PGBD5: variants seen among roughly 807,000 people sequenced by gnomAD.
PGBD5 encodes the protein piggyBac transposable element-derived protein 5.
In PGBD5, 14 loss-of-function variants were observed where a neutral mutation model predicts 47.9. The ratio of observed to expected loss-of-function variants is 0.29; its 90% CI spans 0.19 to 0.46. The LOEUF (loss-of-function observed/expected upper bound fraction) is 0.46. Ranked by LOEUF, PGBD5 falls within the 20% of genes least tolerant of loss-of-function variation. PGBD5 has a pLI of 1.00. For missense variants in PGBD5, 635 were observed against 716.0 expected, an observed-to-expected ratio of 0.89 and a Z score of 1.29; for synonymous variants, 316 against 306.3, an observed-to-expected ratio of 1.03 and a Z score of -0.33.
At chr1:230,368,190 T>C (rs768665157) in intron 1 of PGBD5, 10 of 1,346,858 alleles carry the variant, frequency 7.4e-6, no homozygotes, top group African/African-American at 3.0e-5. Flanking sequence ...CTTGGGGAGA[T>C]GGATAAAAGC....
At chr1:230,362,179 C>G (rs1329468736) in intron 1 of PGBD5, 1 of 1,269,790 alleles carries the variant, frequency 7.9e-7, no homozygotes, top group Admixed American at 2.4e-5. Flanking sequence ...CAGGCTCACT[C>G]TGCTGCACGA....
chr1:230,422,863 C>T lies in PGBD5; in HGVS notation c.331+2735G>A, dbSNP rs191497886. On this transcript the variant is annotated intron_variant, in intron 1 of 6. Coordinates refer to ENST00000391860, the MANE Select transcript of PGBD5 (RefSeq NM_001258311.2). ...TAGCACTGCTTCCTCCCTCTCCCAG[C>T]TGGGCACCAAGTATCTCCCTACTGT... is the stretch of plus-strand genomic sequence containing the variant. 3.4e-3 allele frequency among the ~76,000 whole-genome samples: 524 copies of T among 152,058 alleles called. 5 individuals carry two copies. Among genetic ancestry groups the T allele is most frequent in the African/African-American group, 0.012 (500 of 41,480 alleles).
intron 1 of PGBD5, among the ~76,000 whole-genome samples, chr1:230,386,335 A>C (rs1656637610): frequency 6.6e-6 from 1 of 151,616 alleles, no homozygotes; most frequent in Admixed American, 6.6e-5. Context: ...AAAAAAAAGC[A>C]GTATAATTTA....
rs2102806392 is a variant in PGBD5 at position 230,318,521 on chromosome 1, T to A, written c.*4904A>T. The stretch of plus-strand genomic sequence containing the variant: ...GGTGGGGAGGGGGCACTGGGGACAC[T>A]TTCCCTGGCCACTACCTTGTGAACT... On this transcript the variant is annotated 3_prime_UTR_variant, in exon 7 of 7. Coordinates refer to ENST00000391860, the MANE Select transcript of PGBD5 (RefSeq NM_001258311.2). The A allele has an allele frequency of 6.6e-6, 1 of 152,496 alleles. No individual in the cohort carries two copies. Among genetic ancestry groups the A allele is most frequent in the Non-Finnish European group, 1.5e-5 (1 of 68,174 alleles). 9.4% of individuals were successfully genotyped at this position (152,496 alleles called of 1,614,324 possible). A position where few individuals can be genotyped will look rare whatever the true frequency, so the allele number is the denominator to read the frequency against.
chr1:230,346,832 C>T (rs1558195494), intron 3 of PGBD5, among the ~76,000 whole-genome samples: 2 of 152,090 alleles, frequency 1.3e-5, no homozygotes, highest in African/African-American at 4.8e-5. Flanking sequence ...ATATTTTTAA[C>T]GTGTCCATCT....
At chr1:230,329,973 T>G (rs1009293914) in intron 5 of PGBD5, among the ~76,000 whole-genome samples, 1 of 152,154 alleles carries the variant, frequency 6.6e-6, no homozygotes. Flanking sequence ...AATGAAAACT[T>G]TTTTTTATGT....
At position 230,356,897 on chromosome 1, in the gene PGBD5, G is replaced by C; in HGVS notation, c.756C>G (p.Thr252=). 2.5e-6 allele frequency: 4 copies of C among 1,612,582 alleles called. No individual in the cohort carries two copies. Among genetic ancestry groups the C allele is most frequent in the Non-Finnish European group, 2.5e-6 (3 of 1,178,800 alleles). Residue 252 remains threonine, a synonymous_variant, in exon 2 of 7, where the codon ACC becomes ACG. Transcript: ENST00000391860. The part of the protein sequence containing the change: ...SFDSAFRPSQ[T]QVLHEPLIDE... ...TTACGTCCTGCGTGGGCCTCACCTG[G>C]GTTTGGGAAGGCCTGAAGGCAGAGT...
intron 5 of PGBD5, among the ~76,000 whole-genome samples, chr1:230,332,465 G>A (rs881838): frequency 0.02 from 3,072 of 152,322 alleles, 51 homozygotes; most frequent in East Asian, 0.064. Flanking sequence ...TAAGGAAGAC[G>A]TTGAAAGATA....
rs557762945 is a variant in PGBD5 at position 230,338,648 on chromosome 1, A to G, written c.895-1360T>C. ...ACCCCGTCTCTATTAAAAATGCAAA[A>G]AAGTAGCCAGGTGTGGTGGCAGATG... On this transcript the variant is annotated intron_variant, in intron 3 of 6. Coordinates refer to ENST00000391860, the MANE Select transcript of PGBD5 (RefSeq NM_001258311.2). 9.2e-5 allele frequency among the ~76,000 whole-genome samples: 14 copies of G among 152,152 alleles called. No individual in the cohort carries two copies. In the East Asian group the frequency reaches 1.9e-3, roughly 21 times the overall value.
chr1:230,362,506 A>G, intron 1 of PGBD5: 1 of 1,173,260 alleles, frequency 8.5e-7, no homozygotes, highest in Non-Finnish European at 1.1e-6. Flanking sequence ...AGCTTCATGA[A>G]GCATCACCTT....
At chr1:230,336,848 G>A (rs888900434) in intron 4 of PGBD5, among the ~76,000 whole-genome samples, 8 of 143,354 alleles carry the variant, frequency 5.6e-5, no homozygotes, top group African/African-American at 7.6e-5. Context: ...CAAATGCCCC[G>A]AAGGCCAGGC....
chr1:230,357,635 A>ACCAGACCGGTC lies in PGBD5; in HGVS notation c.332-315_332-314insGACCGGTCTGG, dbSNP rs1173639739. ...AGTGCAAGCTGCAGCCTGCATCTCC[A>ACCAGACCGGTC]CACCAGACCGGAGGACAGCCCTCGG... is the stretch of plus-strand genomic sequence containing the variant. On this transcript the variant is annotated intron_variant, in intron 1 of 6. Transcript: ENST00000391860. This position sits in a 1 kb window ranked among gnomAD's most constrained non-coding sequence, Gnocchi z 5.7. Among the ~76,000 whole-genome samples the ACCAGACCGGTC allele has an allele frequency of 1.3e-5, 2 of 152,138 alleles. No individual in the cohort carries two copies. The highest frequency in any genetic ancestry group is 2.9e-5 in the Non-Finnish European group (2 of 68,024).
intron 1 of PGBD5, among the ~76,000 whole-genome samples, chr1:230,385,886 C>A (rs1178856636): frequency 6.6e-6 from 1 of 152,186 alleles, no homozygotes; most frequent in Non-Finnish European, 1.5e-5. Flanking sequence ...CGGGAGCTTG[C>A]TGGACCTGCA....
rs1666937025 is a variant in PGBD5, at chr1:230,316,014, ATAT to A, written c.*7408_*7410del. On this transcript the variant is annotated 3_prime_UTR_variant, in exon 7 of 7. Transcript: ENST00000391860. ...CATACATAAGTATATGTGTACACAT[ATAT>A]GTATGTGTATACATACATAAGTATA... is the stretch of plus-strand genomic sequence containing the variant. 3 of 113,326 alleles carry A rather than the reference ATAT, an allele frequency of 2.6e-5. No individual in the cohort carries two copies. Among genetic ancestry groups the A allele is most frequent in the Non-Finnish European group, 5.3e-5 (3 of 56,224 alleles). The allele number at this position is 113,326 out of a possible 1,614,324, so 7.0% of individuals were successfully genotyped here. A position where few individuals can be genotyped will look rare whatever the true frequency, so the allele number is the denominator to read the frequency against.
chr1:230,325,026 T>C (rs35977389), intron 6 of PGBD5, among the ~76,000 whole-genome samples: 72,178 of 151,962 alleles, frequency 0.47, 18,338 homozygotes, highest in Non-Finnish European at 0.56. Context: ...TGAGGGACAG[T>C]TCAGTTCAGT....
In PGBD5 at chr1:230,377,129, G is replaced by A. The variant is rs557291280; in HGVS notation, c.332-19808C>T. Among the ~76,000 whole-genome samples the A allele has an allele frequency of 4.6e-5, 7 of 152,316 alleles. No individual in the cohort carries two copies. In the South Asian group the frequency reaches 1.5e-3, roughly 32 times the overall value. ...CCCTTCCTAACTCCAAGTGCATACA[G>A]CCCCTAGATGAATGAGCTCCTAAAT... On this transcript the variant is annotated intron_variant, in intron 1 of 6. Transcript: ENST00000391860.
rs1380899552 is a variant in PGBD5, at chr1:230,319,886, T to A, written c.*3539A>T. 2.2e-5 allele frequency: 3 copies of A among 133,764 alleles called. No individual in the cohort carries two copies. The East Asian group carries it at 6.9e-4, about 31-fold the overall frequency. 8.3% of individuals were successfully genotyped at this position (133,764 alleles called of 1,614,324 possible). On this transcript the variant is annotated 3_prime_UTR_variant, in exon 7 of 7. Transcript: ENST00000391860. ...TTTTTTTTTGTGGCGGGGTGGGGGT[T>A]GGAGTCTCGCTCTGTCACCCAGGCT...
chr1:230,356,409 C>A (rs1667646290), intron 2 of PGBD5, among the ~76,000 whole-genome samples: 1 of 152,178 alleles, frequency 6.6e-6, no homozygotes, highest in Non-Finnish European at 1.5e-5. Context: ...GCCAAACCCT[C>A]ATCCAACAGC....
chr1:230,349,458 C>A (rs1272103470), intron 3 of PGBD5, among the ~76,000 whole-genome samples: 1 of 142,696 alleles, frequency 7.0e-6, no homozygotes, highest in African/African-American at 2.5e-5. Flanking sequence ...TCACTTGAGC[C>A]TGGGAAGTTG....
Sources: gnomAD v4.1 joint callset for allele counts (sites outside exome capture counted in the v4.1 genomes callset) on GRCh38, gnomAD v4.1.1 for gene constraint, Gnocchi (gnomAD v3.1) non-coding constraint, MANE v1.5 for transcripts, NCBI Gene and HGNC (gene_info 2026-07-23, HGNC 2026-07-21) for gene names.